GPHN: variants seen among roughly 807,000 people sequenced by gnomAD.
GPHN encodes the protein gephyrin.
GPHN carries 17 observed loss-of-function variants against 95.5 expected under a neutral mutation model. That is an observed-to-expected ratio of 0.18 (90% CI 0.12 to 0.27). The LOEUF (loss-of-function observed/expected upper bound fraction) is 0.27. Ranked by LOEUF, GPHN falls within the 10% of genes least tolerant of loss-of-function variation. The probability of loss-of-function intolerance (pLI) is 1.00; values close to 1 mark genes in which losing one functional copy is unlikely to be tolerated. For synonymous variants in GPHN, 320 were observed against 322.5 expected, an observed-to-expected ratio of 0.99 and a Z score of 0.08; for missense variants, 660 against 978.1, an observed-to-expected ratio of 0.67 and a Z score of 4.34.
chr14:67,330,421 C>T, the GPHN span, among the ~76,000 whole-genome samples: 1 of 150,714 alleles, frequency 6.6e-6, no homozygotes, highest in African/African-American at 2.4e-5. Flanking sequence ...ATTTTTGTTA[C>T]CATTTTGTTA....
intron 2 of GPHN, among the ~76,000 whole-genome samples, chr14:66,711,772 GAT>G (rs1381120750): frequency 6.6e-6 from 1 of 150,648 alleles, no homozygotes; most frequent in East Asian, 2.0e-4. Context: ...CCCAGTGTGT[GAT>G]GTTCCCCGCC....
chr14:67,555,057 C>T, the GPHN span, among the ~76,000 whole-genome samples: 2 of 152,050 alleles, frequency 1.3e-5, no homozygotes, highest in African/African-American at 4.8e-5. Context: ...GGACTACAGG[C>T]GCACACCGCC....
the GPHN span, among the ~76,000 whole-genome samples, chr14:67,330,752 C>A: frequency 6.6e-6 from 1 of 152,170 alleles, no homozygotes. Flanking sequence ...GCCCCCGGCA[C>A]CCCGCTTCCT....
chr14:66,744,261 G>T (rs1364285657), intron 2 of GPHN, among the ~76,000 whole-genome samples: 1 of 151,944 alleles, frequency 6.6e-6, no homozygotes, highest in East Asian at 1.9e-4. Flanking sequence ...TTTCCTCCTA[G>T]CCTCTTCCAA....
chr14:66,983,922 A>G (rs547217005), intron 9 of GPHN, among the ~76,000 whole-genome samples: 3 of 152,326 alleles, frequency 2.0e-5, no homozygotes, highest in African/African-American at 7.2e-5. Flanking sequence ...AGGCCTGCTA[A>G]GGGAATGCTA....
intron 3 of GPHN, among the ~76,000 whole-genome samples, chr14:66,810,371 T>TA (rs1432194250): frequency 6.6e-6 from 1 of 151,680 alleles, no homozygotes; most frequent in African/African-American, 2.4e-5. Context: ...TTTTTTTTGT[T>TA]AAAGATTTTT....
chr14:67,586,571 C>A, the GPHN span: 2 of 513,836 alleles, frequency 3.9e-6, no homozygotes, highest in Non-Finnish European at 6.9e-6. Flanking sequence ...ACCTCTTTTG[C>A]TTTAGTGACT....
At chr14:67,250,160 T>C in the GPHN span, among the ~76,000 whole-genome samples, 1 of 152,168 alleles carries the variant, frequency 6.6e-6, no homozygotes, top group South Asian at 2.1e-4. Context: ...CAAGAGGCTG[T>C]GTTCATAATT....
intron 16 of GPHN, 92 bp from the exon 17 acceptor site, chr14:67,122,164 A>G (rs752128584): frequency 6.2e-5 from 76 of 1,229,314 alleles, no homozygotes; most frequent in Non-Finnish European, 9.1e-5. Context: ...GGTGCTAGAT[A>G]TGCTAAACTC....
chr14:67,656,525 T>C, the GPHN span: 6 of 1,613,872 alleles, frequency 3.7e-6, no homozygotes, highest in East Asian at 1.3e-4. Context: ...TTCAATACTT[T>C]GGGTGGCCCG....
chr14:66,609,328 G>T (rs1451480565), intron 1 of GPHN, among the ~76,000 whole-genome samples: 1 of 152,046 alleles, frequency 6.6e-6, no homozygotes, highest in Non-Finnish European at 1.5e-5. Context: ...TCCTGATGGG[G>T]TTTCCTTTAT....
intron 4 of GPHN, among the ~76,000 whole-genome samples, chr14:66,834,179 A>C (rs1157668278): frequency 1.3e-5 from 2 of 152,158 alleles, no homozygotes; most frequent in Non-Finnish European, 2.9e-5. Flanking sequence ...CATTTCTGAT[A>C]TTTGAAAAGA....
intron 4 of GPHN, among the ~76,000 whole-genome samples, chr14:66,840,143 A>T (rs150403453): frequency 4.6e-5 from 7 of 152,078 alleles, no homozygotes; most frequent in Admixed American, 1.3e-4. Flanking sequence ...GCCAGGCATG[A>T]TGACATGCCC....
intron 1 of GPHN, among the ~76,000 whole-genome samples, chr14:66,534,591 G>A (rs1246541688): frequency 3.3e-5 from 5 of 152,086 alleles, no homozygotes; most frequent in African/African-American, 9.7e-5. Context: ...TGAATATATT[G>A]TTTCATTTTT....
chr14:67,390,692 C>T, the GPHN span: 1 of 1,613,564 alleles, frequency 6.2e-7, no homozygotes, highest in Non-Finnish European at 8.5e-7. Context: ...TGCAGGAAAG[C>T]TGGATCCTTC....
rs188681666 is a variant in GPHN at position 66,717,797 on chromosome 14, G to A, written c.143+36612G>A. Reference sequence around the variant, plus strand: ...TCTCTTCTTGGTCTAGCCATCTACCGCGCCTACCCGGCTCCAGGCTTGTAC... The same window carrying A: ...TCTCTTCTTGGTCTAGCCATCTACCACGCCTACCCGGCTCCAGGCTTGTAC... On this transcript the variant is annotated intron_variant, in intron 2 of 22. Transcript: ENST00000478722. Among the ~76,000 whole-genome samples the A allele has an allele frequency of 8.5e-5, 13 of 152,280 alleles. 1 individual carries two copies. Among genetic ancestry groups the A allele is most frequent in the African/African-American group, 2.6e-4 (11 of 41,550 alleles).
chr14:66,812,104 G>A (rs940179267), intron 3 of GPHN, among the ~76,000 whole-genome samples: 2 of 152,122 alleles, frequency 1.3e-5, no homozygotes, highest in Admixed American at 1.3e-4. Flanking sequence ...AAGTAAAAAG[G>A]GAAATCCTAG....
chr14:67,105,283 A>G (rs979112698), intron 13 of GPHN, among the ~76,000 whole-genome samples: 1 of 152,096 alleles, frequency 6.6e-6, no homozygotes, highest in African/African-American at 2.4e-5. Context: ...TTCCATGTGC[A>G]AGTGAAAAAA....
At chr14:66,805,119 G>A (rs926530633) in intron 3 of GPHN, among the ~76,000 whole-genome samples, 7 of 152,190 alleles carry the variant, frequency 4.6e-5, no homozygotes, top group Non-Finnish European at 8.8e-5. Flanking sequence ...TGGCTGGGGA[G>A]GCCTCACAAT....
Sources: allele counts gnomAD v4.1 joint callset (sites outside exome capture counted in the v4.1 genomes callset), GRCh38; gene constraint gnomAD v4.1.1; transcripts MANE v1.5; gene names NCBI Gene and HGNC (gene_info 2026-07-23, HGNC 2026-07-21).